ARSJ: variants seen among roughly 807,000 people sequenced by gnomAD.
ARSJ encodes the protein arylsulfatase family member J.
In ARSJ, 26 loss-of-function variants were observed where a neutral mutation model predicts 35.9. That is an observed-to-expected ratio of 0.72 (90% CI 0.53 to 1.00). The LOEUF (loss-of-function observed/expected upper bound fraction) is 1.00. ARSJ is among the 50% of genes least tolerant of loss of function. The pLI is 0.00. For missense variants in ARSJ, 667 were observed against 723.6 expected, an observed-to-expected ratio of 0.92 and a Z score of 0.90; for synonymous variants, 294 against 267.6, an observed-to-expected ratio of 1.10 and a Z score of -0.96.
chr4:113,925,700 C>T (rs769705910), intron 1 of ARSJ, among the ~76,000 whole-genome samples: 1 of 152,156 alleles, frequency 6.6e-6, no homozygotes, highest in Non-Finnish European at 1.5e-5. Flanking sequence ...GTGGATGAAG[C>T]ATCCCATGAG....
chr4:113,936,998 A>G (rs1447283047), intron 1 of ARSJ, among the ~76,000 whole-genome samples: 1 of 151,964 alleles, frequency 6.6e-6, no homozygotes, highest in African/African-American at 2.4e-5. Flanking sequence ...AATTCAAAAA[A>G]CACACAAAAC....
intron 1 of ARSJ, among the ~76,000 whole-genome samples, chr4:113,944,609 G>A (rs978885975): frequency 2.0e-5 from 3 of 152,072 alleles, no homozygotes; most frequent in Admixed American, 6.6e-5. Context: ...GAGGTAGAGT[G>A]TTCTAGCAGC....
intron 1 of ARSJ, among the ~76,000 whole-genome samples, chr4:113,927,001 G>GTGGCAGAGCAGC (rs1282847831): frequency 6.6e-6 from 1 of 152,138 alleles, no homozygotes; most frequent in African/African-American, 2.4e-5. Context: ...TATTGTCCAA[G>GTGGCAGAGCAGC]TGGCAGAGCA....
intron 1 of ARSJ, among the ~76,000 whole-genome samples, chr4:113,921,066 T>C (rs886441852): frequency 3.4e-5 from 5 of 145,780 alleles, no homozygotes; most frequent in Admixed American, 7.0e-5. Context: ...AGTATATTGT[T>C]TATAATTCCC....
At chr4:113,959,461 T>C (rs201928374) in intron 1 of ARSJ, among the ~76,000 whole-genome samples, 1 of 152,054 alleles carries the variant, frequency 6.6e-6, no homozygotes, top group Non-Finnish European at 1.5e-5. Context: ...GGGACATATA[T>C]AAACCTGTGA....
At chr4:113,921,232 C>A (rs1329646627) in intron 1 of ARSJ, among the ~76,000 whole-genome samples, 1 of 152,072 alleles carries the variant, frequency 6.6e-6, no homozygotes, top group South Asian at 2.1e-4. Flanking sequence ...AGAAAAGAAT[C>A]TTGCTGACAT....
chr4:113,976,041 G>A (rs1727570745), intron 1 of ARSJ, among the ~76,000 whole-genome samples: 1 of 152,114 alleles, frequency 6.6e-6, no homozygotes, highest in African/African-American at 2.4e-5. Flanking sequence ...TTGACAGGCT[G>A]ACTGATAATC....
chr4:113,931,838 T>C (rs1724473869), intron 1 of ARSJ, among the ~76,000 whole-genome samples: 1 of 152,028 alleles, frequency 6.6e-6, no homozygotes, highest in Admixed American at 6.6e-5. Context: ...TGAATCAAAA[T>C]AAACCAAAAT....
intron 1 of ARSJ, among the ~76,000 whole-genome samples, chr4:113,929,817 G>C (rs887489807): frequency 2.0e-5 from 3 of 152,084 alleles, no homozygotes; most frequent in Non-Finnish European, 2.9e-5. Context: ...CGGAACTTAG[G>C]AACAATCAAC....
intron 1 of ARSJ, among the ~76,000 whole-genome samples, chr4:113,963,555 C>T (rs114460498): frequency 2.0e-5 from 3 of 151,964 alleles, no homozygotes; most frequent in Non-Finnish European, 4.4e-5. Flanking sequence ...GCTGCAGGGT[C>T]CCTCCCAGGA....
At chr4:113,972,993 TG>T (rs1208231804) in intron 1 of ARSJ, among the ~76,000 whole-genome samples, 1 of 152,218 alleles carries the variant, frequency 6.6e-6, no homozygotes, top group African/African-American at 2.4e-5. Context: ...TTATCTTTGC[TG>T]TTAGAGTCCT....
intron 1 of ARSJ, among the ~76,000 whole-genome samples, chr4:113,969,185 G>T (rs899512367): frequency 4.1e-4 from 62 of 152,182 alleles, no homozygotes; most frequent in African/African-American, 1.5e-3. Flanking sequence ...GCTTAGCAGG[G>T]TTCCAATAGA....
At position 113,978,879 on chromosome 4, in the gene ARSJ, C is replaced by T. The variant is rs1484374193; in HGVS notation, c.-45G>A. On this transcript the variant is annotated 5_prime_UTR_variant, in exon 1 of 2. Transcript: ENST00000315366. ...GACTCCACGCGGAGAACCACGCGCCCCGCGCCGCTGCGGGCGCACACATGC... is the reference window on the plus strand; with the variant it reads ...GACTCCACGCGGAGAACCACGCGCCTCGCGCCGCTGCGGGCGCACACATGC... 1.3e-6 allele frequency: 2 copies of T among 1,538,060 alleles called. No homozygotes were observed. Among genetic ancestry groups the T allele is most frequent in the African/African-American group, 2.8e-5 (2 of 72,416 alleles).
intron 1 of ARSJ, among the ~76,000 whole-genome samples, chr4:113,916,226 T>C (rs1210508222): frequency 1.3e-5 from 2 of 152,200 alleles, no homozygotes; most frequent in Non-Finnish European, 2.9e-5. Flanking sequence ...GCATGTATTG[T>C]GGAAACAATC....
intron 1 of ARSJ, among the ~76,000 whole-genome samples, chr4:113,967,884 C>A (rs1594512870): frequency 6.6e-6 from 1 of 152,246 alleles, no homozygotes; most frequent in East Asian, 1.9e-4. Flanking sequence ...AAATGTCATT[C>A]TGACATTTTC....
chr4:113,956,356 A>G (rs951094519), intron 1 of ARSJ, among the ~76,000 whole-genome samples: 9 of 152,104 alleles, frequency 5.9e-5, no homozygotes, highest in Non-Finnish European at 2.9e-5. Flanking sequence ...CAGGAAGACT[A>G]GGAGAAGGGG....
intron 1 of ARSJ, among the ~76,000 whole-genome samples, chr4:113,966,240 T>A (rs1422082275): frequency 6.6e-6 from 1 of 152,122 alleles, no homozygotes; most frequent in African/African-American, 2.4e-5. Context: ...TTTTGCTAGG[T>A]AGAAGTGCAG....
chr4:113,962,931 T>TG (rs1477667794), intron 1 of ARSJ, among the ~76,000 whole-genome samples: 6 of 152,146 alleles, frequency 3.9e-5, no homozygotes, highest in Admixed American at 2.0e-4. Flanking sequence ...ACTAGCTTAG[T>TG]GGGGCTGTCC....
At chr4:113,943,762 A>G (rs1725306160) in intron 1 of ARSJ, among the ~76,000 whole-genome samples, 1 of 152,016 alleles carries the variant, frequency 6.6e-6, no homozygotes, top group South Asian at 2.1e-4. Flanking sequence ...GGGAAAAATC[A>G]TTCAAACAGA....
Sources: allele counts gnomAD v4.1 joint callset (sites outside exome capture counted in the v4.1 genomes callset), GRCh38; gene constraint gnomAD v4.1.1; transcripts MANE v1.5; gene names NCBI Gene and HGNC (gene_info 2026-07-23, HGNC 2026-07-21).